Variants in FOXO1 observed in about 807,000 individuals in gnomAD.
The protein encoded by FOXO1 is forkhead box O1, also known as forkhead box protein O1.
FOXO1 carries 6 observed loss-of-function variants against 44.1 expected under a neutral mutation model. The ratio of observed to expected loss-of-function variants is 0.14; its 90% CI spans 0.07 to 0.27. The LOEUF (loss-of-function observed/expected upper bound fraction) is 0.27, where lower values mean the gene tolerates loss of function less well. FOXO1 is among the 10% of genes least tolerant of loss of function. FOXO1 has a pLI of 1.00. For synonymous variants in FOXO1, 380 were observed against 362.7 expected, an observed-to-expected ratio of 1.05 and a Z score of -0.54; for missense variants, 737 against 888.8, an observed-to-expected ratio of 0.83 and a Z score of 2.17.
intron 1 of FOXO1, among the ~76,000 whole-genome samples, chr13:40,655,319 C>T (rs970761228): frequency 6.9e-6 from 1 of 145,480 alleles, no homozygotes; most frequent in Non-Finnish European, 1.5e-5. Context: ...CACCGCACTC[C>T]AGCTTGGTGA....
intron 1 of FOXO1, among the ~76,000 whole-genome samples, chr13:40,624,317 TAAAAAA>T (rs10552634): frequency 9.9e-6 from 1 of 100,952 alleles, no homozygotes; most frequent in African/African-American, 3.4e-5. Flanking sequence ...TAATACTGCT[TAAAAAA>T]AAAAAAAAAA....
chr13:40,665,918 C>A lies in FOXO1; in HGVS notation c.295G>T (p.Ala99Ser). The A allele has an allele frequency of 3.3e-6, 4 of 1,195,930 alleles. No individual in the cohort carries two copies. The South Asian group carries it at 1.7e-4, about 49-fold the overall frequency. 74.1% of individuals were successfully genotyped at this position (1,195,930 alleles called of 1,614,324 possible). The change falls in exon 1 of 3, where the codon GCC becomes TCC. Residue 99 changes from alanine (A) to serine (S), a missense_variant. This residue lies in a region of FOXO1 where 213 missense variants were observed against 236.4 expected (regional missense o/e 0.90). Coordinates refer to ENST00000379561, the MANE Select transcript of FOXO1 (RefSeq NM_002015.4). ...CACAGCCCCCCGGTGGCGGCCGCGG[C>A]GGCCGCCGCCGCCACCGCCGCCGCC... ...SVAAAVAAAA[A>S]AAATGGLCGD...
At chr13:40,664,231 C>T (rs1878139768) in intron 1 of FOXO1, among the ~76,000 whole-genome samples, 1 of 152,184 alleles carries the variant, frequency 6.6e-6, no homozygotes, top group African/African-American at 2.4e-5. Context: ...CGAGATCGCG[C>T]CACGGTACTC....
At chr13:40,660,703 G>T (rs778295426) in intron 1 of FOXO1, among the ~76,000 whole-genome samples, 7 of 152,110 alleles carry the variant, frequency 4.6e-5, no homozygotes, top group African/African-American at 7.2e-5. Flanking sequence ...GCAATTTTGG[G>T]ATCTTGAAGA....
At chr13:40,585,538 T>C (rs1352994681) in intron 1 of FOXO1, among the ~76,000 whole-genome samples, 1 of 152,216 alleles carries the variant, frequency 6.6e-6, no homozygotes, top group Non-Finnish European at 1.5e-5. Context: ...TCACTTCTTA[T>C]CAAACATTGA....
chr13:40,624,484 T>C (rs1333863127), intron 1 of FOXO1, among the ~76,000 whole-genome samples: 4 of 152,158 alleles, frequency 2.6e-5, no homozygotes, highest in Non-Finnish European at 4.4e-5. Flanking sequence ...TTATAACATG[T>C]GTTGTAAGTG....
chr13:40,659,174 G>A (rs1403435218), intron 1 of FOXO1, among the ~76,000 whole-genome samples: 2 of 151,788 alleles, frequency 1.3e-5, no homozygotes, highest in African/African-American at 4.8e-5. Flanking sequence ...AATTATCCAG[G>A]TGTGGTGGCA....
Position 40,560,036 on chromosome 13 carries a change from G to A in FOXO1, c.1455C>T (p.Ala485=), listed in dbSNP as rs777178442. The change falls in exon 2 of 3, where the codon GCC becomes GCT. Residue 485 remains alanine (A), a synonymous_variant. Coordinates refer to ENST00000379561, the MANE Select transcript of FOXO1 (RefSeq NM_002015.4). This position sits in a 1 kb window ranked among gnomAD's most constrained non-coding sequence, Gnocchi z 5.1. ...DIMTPVDPGV[A]QPNSRVLGQN... ...GGCCCAGAACCCGGCTGTTGGGCTG[G>A]GCTACCCCAGGATCAACTGGTGTCA... 1 of 1,614,090 alleles carries A rather than the reference G, an allele frequency of 6.2e-7. No individual in the cohort carries two copies. The highest frequency in any genetic ancestry group is 8.5e-7 in the Non-Finnish European group (1 of 1,180,024).
intron 1 of FOXO1, among the ~76,000 whole-genome samples, chr13:40,570,883 C>G (rs1874464851): frequency 6.6e-6 from 1 of 152,210 alleles, no homozygotes; most frequent in African/African-American, 2.4e-5. Context: ...CCAGGTGAGG[C>G]AGAAACGAGC....
At chr13:40,606,874 C>T (rs1244190795) in intron 1 of FOXO1, among the ~76,000 whole-genome samples, 1 of 152,188 alleles carries the variant, frequency 6.6e-6, no homozygotes, top group Admixed American at 6.6e-5. Context: ...CCTGACCCTG[C>T]TTTAAATTCC....
chr13:40,575,873 C>T (rs545072078), intron 1 of FOXO1, among the ~76,000 whole-genome samples: 49 of 152,238 alleles, frequency 3.2e-4, no homozygotes, highest in African/African-American at 1.1e-3. Context: ...AAGCAAAGGA[C>T]GACTTGGATT....
At chr13:40,632,917 AAAAAAAAAAGGAAAAG>A (rs1877015228) in intron 1 of FOXO1, among the ~76,000 whole-genome samples, 1 of 152,040 alleles carries the variant, frequency 6.6e-6, no homozygotes, top group South Asian at 2.1e-4. Flanking sequence ...ATCTCAAAAA[AAAAAAAAAAGGAAAAG>A]AAAAAAAAAG....
chr13:40,655,945 T>C (rs1593417733), intron 1 of FOXO1, among the ~76,000 whole-genome samples: 1 of 152,320 alleles, frequency 6.6e-6, no homozygotes, highest in East Asian at 1.9e-4. Flanking sequence ...ACAGCTCTCC[T>C]CAACACTTGC....
chr13:40,604,573 A>G (rs1875930095), intron 1 of FOXO1, among the ~76,000 whole-genome samples: 5 of 152,180 alleles, frequency 3.3e-5, no homozygotes, highest in Admixed American at 3.3e-4. Flanking sequence ...AGGCAGACAC[A>G]TACACATAAT....
At chr13:40,620,972 T>C (rs1452197567) in intron 1 of FOXO1, 1 of 163,602 alleles carries the variant, frequency 6.1e-6, no homozygotes, top group Non-Finnish European at 1.3e-5. Context: ...CTGATTTTTG[T>C]ATTTTAGTAG....
intron 1 of FOXO1, among the ~76,000 whole-genome samples, chr13:40,581,434 C>A (rs1874952565): frequency 6.6e-6 from 1 of 152,236 alleles, no homozygotes. Context: ...TAGCCCCCAT[C>A]TGCTTCCTGT....
chr13:40,629,756 T>C (rs1876901021), intron 1 of FOXO1, among the ~76,000 whole-genome samples: 1 of 152,206 alleles, frequency 6.6e-6, no homozygotes, highest in South Asian at 2.1e-4. Context: ...CATCCACCAA[T>C]GGCCCTTGCT....
chr13:40,629,436 C>T (rs373396642), intron 1 of FOXO1, among the ~76,000 whole-genome samples: 38 of 152,148 alleles, frequency 2.5e-4, no homozygotes, highest in African/African-American at 7.7e-4. Context: ...GCCACTGCAC[C>T]CAGCCAAACA....
intron 1 of FOXO1, among the ~76,000 whole-genome samples, chr13:40,636,332 TGTA>T (rs1348162012): frequency 1.3e-5 from 2 of 152,038 alleles, no homozygotes. Flanking sequence ...TTTCCTGACC[TGTA>T]AAATGTTGAT....
Sources: allele counts gnomAD v4.1 joint callset (sites outside exome capture counted in the v4.1 genomes callset), GRCh38; gene constraint gnomAD v4.1.1; regional missense constraint gnomAD v4.1.1; non-coding constraint Gnocchi (gnomAD v3.1); transcripts MANE v1.5; gene names NCBI Gene and HGNC (gene_info 2026-07-23, HGNC 2026-07-21).